Variants in B3GLCT observed in about 807,000 individuals in gnomAD.
B3GLCT encodes beta 3-glucosyltransferase, also known as beta-1,3-glucosyltransferase.
B3GLCT carries 65 observed loss-of-function variants against 63.4 expected under a neutral mutation model. The observed-to-expected ratio is 1.03, with a 90% confidence interval of 0.84 to 1.26. B3GLCT has a LOEUF of 1.26. Ranked by LOEUF, B3GLCT falls within the 50% of genes most tolerant of loss-of-function variation. The probability of loss-of-function intolerance (pLI) is 0.00; values close to 1 mark genes in which losing one functional copy is unlikely to be tolerated. For missense variants in B3GLCT, 577 were observed against 604.8 expected, an observed-to-expected ratio of 0.95 and a Z score of 0.48; for synonymous variants, 233 against 219.2, an observed-to-expected ratio of 1.06 and a Z score of -0.55.
In B3GLCT at chr13:31,217,221, T is replaced by C. The variant is rs376012984; in HGVS notation, c.120+2121T>C. Among the ~76,000 whole-genome samples, 242 of 152,372 alleles carry C rather than the reference T, an allele frequency of 1.6e-3. 2 individuals carry two copies. The highest frequency in any genetic ancestry group is 5.6e-3 in the African/African-American group (231 of 41,604). ...AGTGATGTTGAGCATTTTTTTCATA[T>C]GCTTGTTGGCTGCATGTATGTCTTC... is the stretch of plus-strand genomic sequence containing the variant. On this transcript the variant is annotated intron_variant, in intron 2 of 14. Transcript: ENST00000343307.
rs866590741 is a variant in B3GLCT, at chr13:31,284,857, C to A, written c.964+96C>A. On this transcript the variant is annotated intron_variant, in intron 11 of 14. Coordinates refer to ENST00000343307, the MANE Select transcript of B3GLCT (RefSeq NM_194318.4). The stretch of plus-strand genomic sequence containing the variant: ...ATAAAAATGAAATGTTTTATAAGTG[C>A]TATAATTTTTGCCTCATATTAGTTT... 65 of 828,410 alleles carry A rather than the reference C, an allele frequency of 7.8e-5. No individual in the cohort carries two copies. In the African/African-American group the frequency reaches 9.0e-4, roughly 11 times the overall value. 51.3% of individuals were successfully genotyped at this position (828,410 alleles called of 1,614,324 possible). A position where few individuals can be genotyped will look rare whatever the true frequency, so the allele number is the denominator to read the frequency against.
At position 31,286,175 on chromosome 13, in the gene B3GLCT, C is replaced by T. The variant is rs539134279; in HGVS notation, c.965-545C>T. Among the ~76,000 whole-genome samples the T allele has an allele frequency of 2.0e-5, 3 of 152,290 alleles. No homozygotes were observed. The East Asian group carries it at 5.8e-4, about 29-fold the overall frequency. On this transcript the variant is annotated intron_variant, in intron 11 of 14. Coordinates refer to ENST00000343307, the MANE Select transcript of B3GLCT (RefSeq NM_194318.4). ...TCTATTGGTATCTGAAGGACTGTTACTCTGTCTTACTCAGCACTATATCTT... is the reference window on the plus strand; with the variant it reads ...TCTATTGGTATCTGAAGGACTGTTATTCTGTCTTACTCAGCACTATATCTT...
rs4943289 is a variant in B3GLCT, at chr13:31,261,238, G to A, written c.596+156G>A. 0.37 allele frequency among the ~76,000 whole-genome samples: 56,742 copies of A among 152,048 alleles called. 11,323 individuals are homozygous for A. Among genetic ancestry groups the A allele is most frequent in the East Asian group, 0.72 (3,739 of 5,182 alleles). On this transcript the variant is annotated intron_variant, in intron 7 of 14. Coordinates refer to ENST00000343307, the MANE Select transcript of B3GLCT (RefSeq NM_194318.4). Reference sequence around the variant, plus strand: ...TCTGGAAAAGGAGCCAGATGCTTGAGGGTTTCTGCTTCAGCGCTGTCATTT... The same window carrying A: ...TCTGGAAAAGGAGCCAGATGCTTGAAGGTTTCTGCTTCAGCGCTGTCATTT...
intron 2 of B3GLCT, among the ~76,000 whole-genome samples, chr13:31,220,402 C>T (rs947789490): frequency 6.6e-5 from 10 of 152,144 alleles, no homozygotes; most frequent in East Asian, 1.9e-4. Context: ...AAATCTCTTT[C>T]GTATCTGAAT....
chr13:31,201,105 G>C (rs573859528), intron 1 of B3GLCT, among the ~76,000 whole-genome samples: 1 of 150,258 alleles, frequency 6.7e-6, no homozygotes, highest in African/African-American at 2.4e-5. Context: ...TTTTCAGACT[G>C]CTACAGAGTT....
Position 31,329,545 on chromosome 13 carries a change from T to G in B3GLCT, c.1374T>G (p.Val458=), listed in dbSNP as rs1368084058. The G allele has an allele frequency of 2.5e-6, 4 of 1,614,062 alleles. No individual in the cohort carries two copies. The highest frequency in any genetic ancestry group is 3.4e-6 in the Non-Finnish European group (4 of 1,180,040). The change falls in exon 15 of 15, where the codon GTT becomes GTG. Residue 458 remains valine, a synonymous_variant. Transcript: ENST00000343307. ...DYPKDYLSHQ[V]PISFHKHWNI... Reference sequence around the variant, plus strand: ...CTAAGGACTACCTTTCTCATCAAGTTCCCATATCGTTCCACAAACACTGGA... The same window carrying G: ...CTAAGGACTACCTTTCTCATCAAGTGCCCATATCGTTCCACAAACACTGGA...
At chr13:31,284,387 T>G (rs1302176835) in intron 10 of B3GLCT, among the ~76,000 whole-genome samples, 1 of 152,084 alleles carries the variant, frequency 6.6e-6, no homozygotes, top group African/African-American at 2.4e-5. Flanking sequence ...ACCAGAAAAT[T>G]TATCATTATA....
intron 14 of B3GLCT, 62 bp downstream of exon 14, chr13:31,323,957 G>C: frequency 6.3e-7 from 1 of 1,584,290 alleles, no homozygotes; most frequent in Non-Finnish European, 8.7e-7. Context: ...TCTCACTTAA[G>C]GATTTGACTT....
At chr13:31,311,161 T>C (rs2137922949) in intron 12 of B3GLCT, 1 of 152,346 alleles carries the variant, frequency 6.6e-6, no homozygotes, top group South Asian at 2.1e-4. Context: ...CCCAGCATTA[T>C]AATAAAAGAC....
chr13:31,205,758 CA>C (rs1868917828), intron 1 of B3GLCT, among the ~76,000 whole-genome samples: 1 of 152,094 alleles, frequency 6.6e-6, no homozygotes, highest in South Asian at 2.1e-4. Context: ...AGCATTTACT[CA>C]AAATGTGTAT....
At chr13:31,247,158 C>A in intron 5 of B3GLCT, 59 bp downstream of exon 5, 1 of 1,339,170 alleles carries the variant, frequency 7.5e-7, no homozygotes, top group South Asian at 1.2e-5. Flanking sequence ...ACTTTTACGC[C>A]CTTAGTCTTT....
chr13:31,216,378 T>A, intron 2 of B3GLCT, among the ~76,000 whole-genome samples: 1 of 152,226 alleles, frequency 6.6e-6, no homozygotes, highest in Admixed American at 6.5e-5. Flanking sequence ...CAAGGTCACA[T>A]GATTTTTTTT....
At chr13:31,291,296 T>C (rs1348545454) in intron 12 of B3GLCT, among the ~76,000 whole-genome samples, 1 of 152,170 alleles carries the variant, frequency 6.6e-6, no homozygotes, top group Non-Finnish European at 1.5e-5. Context: ...AGCTTTGTTC[T>C]TTTTGCTTTG....
Position 31,228,735 on chromosome 13 carries a change from T to C in B3GLCT, c.161-450T>C, listed in dbSNP as rs548826283. On this transcript the variant is annotated intron_variant, in intron 3 of 14. Transcript: ENST00000343307. ...CTAAATGAAGTCACATTCTGAGGTA[T>C]TGGGGGTTAGGACTTAAAAAATATG... Among the ~76,000 whole-genome samples, 11 of 152,346 alleles carry C rather than the reference T, an allele frequency of 7.2e-5. No individual in the cohort carries two copies. In the East Asian group the frequency reaches 1.7e-3, roughly 24 times the overall value.
chr13:31,294,666 T>G (rs1873843280), intron 12 of B3GLCT, among the ~76,000 whole-genome samples: 3 of 152,242 alleles, frequency 2.0e-5, no homozygotes, highest in Admixed American at 1.3e-4. Flanking sequence ...ATCAGGTTAT[T>G]TCTGTTCTTC....
Position 31,286,749 on chromosome 13 carries a change from G to C in B3GLCT, c.994G>C (p.Glu332Gln), listed in dbSNP as rs1186202296. ...TTGTGGAAAGACATTTGCCATTTTG[G>C]AAAGATTTCTGAATCGTAGCCAGGA... ...GHCGKTFAIL[E>Q]RFLNRSQDKT... The change falls in exon 12 of 15, where the codon GAA becomes CAA. Residue 332 changes from glutamate (E) to glutamine (Q), a missense_variant. Physicochemically the swap from Glu to Gln is conservative, Grantham distance 29. Transcript: ENST00000343307. 1.2e-6 allele frequency: 2 copies of C among 1,613,210 alleles called. No individual in the cohort carries two copies.
intron 4 of B3GLCT, among the ~76,000 whole-genome samples, chr13:31,239,674 T>C (rs1207515516): frequency 6.7e-6 from 1 of 149,598 alleles, no homozygotes; most frequent in African/African-American, 2.5e-5. Flanking sequence ...GGCAAAGCTG[T>C]CACCTGAGTC....
At chr13:31,221,153 T>C (rs1050861185) in intron 2 of B3GLCT, among the ~76,000 whole-genome samples, 5 of 152,216 alleles carry the variant, frequency 3.3e-5, no homozygotes, top group Non-Finnish European at 7.3e-5. Context: ...GCCTCTGTTA[T>C]CTCATTTGCA....
intron 4 of B3GLCT, among the ~76,000 whole-genome samples, chr13:31,244,417 G>C (rs753949510): frequency 3.9e-5 from 6 of 152,096 alleles, no homozygotes; most frequent in Non-Finnish European, 8.8e-5. Flanking sequence ...ACTTGAACCT[G>C]GGAGGCAGAG....
Sources: gnomAD v4.1 joint callset for allele counts (sites outside exome capture counted in the v4.1 genomes callset) on GRCh38, gnomAD v4.1.1 for gene constraint, MANE v1.5 for transcripts, NCBI Gene and HGNC (gene_info 2026-07-23, HGNC 2026-07-21) for gene names.